The following PIK3C2B variants were observed in gnomAD, a reference collection of about 807,000 sequenced individuals.
PIK3C2B encodes phosphatidylinositol 4-phosphate 3-kinase C2 domain-containing subunit beta.
PIK3C2B carries 83 observed loss-of-function variants against 184.3 expected under a neutral mutation model. That is an observed-to-expected ratio of 0.45 (90% CI 0.38 to 0.54). PIK3C2B has a LOEUF of 0.54. Among genes scored for constraint, PIK3C2B ranks in the 20% least tolerant of loss-of-function variants. The pLI is 0.00. For missense variants in PIK3C2B, 1,736 were observed against 2,113.5 expected (o/e 0.82, Z 3.50); for synonymous variants, 779 against 837.6 (o/e 0.93, Z 1.21).
chr1:204,487,226 C>A (rs184581349), intron 1 of PIK3C2B, among the ~76,000 whole-genome samples: 1 of 152,356 alleles, frequency 6.6e-6, no homozygotes, highest in Non-Finnish European at 1.5e-5. Context: ...CCACCTCAGC[C>A]TCTCAAGTAG....
intron 1 of PIK3C2B, among the ~76,000 whole-genome samples, chr1:204,474,238 G>A (rs979114179): frequency 8.6e-5 from 13 of 152,000 alleles, no homozygotes; most frequent in African/African-American, 2.9e-4. Flanking sequence ...TGATCCGCCC[G>A]CCTCGGCCCC....
At chr1:204,468,443 G>C (rs17406570) in intron 2 of PIK3C2B, among the ~76,000 whole-genome samples, 8,385 of 152,252 alleles carry the variant, frequency 0.055, 342 homozygotes, top group Non-Finnish European at 0.085. Flanking sequence ...TTACTATTGT[G>C]AATGATCTTC....
chr1:204,467,119 C>T (rs1655872865), intron 2 of PIK3C2B: 2 of 368,392 alleles, frequency 5.4e-6, no homozygotes, highest in South Asian at 4.1e-5. Flanking sequence ...TGTCTCAGAA[C>T]TCTGATGACA....
intron 2 of PIK3C2B, chr1:204,467,073 G>A: frequency 2.4e-6 from 1 of 423,484 alleles, no homozygotes; most frequent in Non-Finnish European, 4.8e-6. Context: ...TTTTTGCTTT[G>A]TGTCCGCTTC....
In PIK3C2B at chr1:204,446,042, C is replaced by A; in HGVS notation, c.2592G>T (p.Glu864Asp). 1 of 1,603,772 alleles carries A rather than the reference C, an allele frequency of 6.2e-7. No individual in the cohort carries two copies. The highest frequency in any genetic ancestry group is 8.5e-7 in the Non-Finnish European group (1 of 1,172,992). The change falls in exon 16 of 33, where the codon GAG becomes GAT. Residue 864 changes from glutamate (E) to aspartate (D), a missense_variant. By Grantham distance (45) the Glu-to-Asp change is conservative. Coordinates refer to ENST00000684373, the MANE Select transcript of PIK3C2B (RefSeq NM_001377334.1). ...PLVLASAPSW[E>D]WACLPDIYVL... Reference sequence around the variant, plus strand: ...CATAGATGTCAGGCAGGCAAGCCCACTCCCAGCTGGGGGCGCTGGCGAGCA... The same window carrying A: ...CATAGATGTCAGGCAGGCAAGCCCAATCCCAGCTGGGGGCGCTGGCGAGCA...
intron 1 of PIK3C2B, among the ~76,000 whole-genome samples, chr1:204,482,840 G>A (rs1338479356): frequency 1.3e-5 from 2 of 152,110 alleles, no homozygotes; most frequent in Admixed American, 6.5e-5. Flanking sequence ...ACCACAGGAA[G>A]AATATCTCGA....
intron 29 of PIK3C2B, chr1:204,428,876 T>G: frequency 2.2e-6 from 1 of 455,756 alleles, no homozygotes; most frequent in Non-Finnish European, 4.4e-6. Context: ...GTGCTAATTA[T>G]ATTGTTTCTC....
At chr1:204,432,078 C>T in intron 27 of PIK3C2B, 122 bp downstream of exon 27, 1 of 906,912 alleles carries the variant, frequency 1.1e-6, no homozygotes, top group East Asian at 2.4e-5. Context: ...CAGGACTGCT[C>T]CCAGCACAGG....
At chr1:204,470,154 A>C (rs999912032) in intron 1 of PIK3C2B, among the ~76,000 whole-genome samples, 2 of 151,616 alleles carry the variant, frequency 1.3e-5, no homozygotes, top group African/African-American at 4.9e-5. Flanking sequence ...TGCCCCAAAA[A>C]GAGAGAGAGG....
intron 11 of PIK3C2B, among the ~76,000 whole-genome samples, chr1:204,455,532 A>C (rs939788358): frequency 1.3e-5 from 2 of 151,710 alleles, no homozygotes; most frequent in African/African-American, 4.8e-5. Context: ...CGTGCACTCT[A>C]TCTGGGAATC....
At position 204,446,264 on chromosome 1, in the gene PIK3C2B, C is replaced by T. The variant is rs978902383; in HGVS notation, c.2490-120G>A. 8.9e-5 allele frequency: 51 copies of T among 571,554 alleles called. No individual in the cohort carries two copies. The Middle Eastern group carries it at 1.5e-3, about 17-fold the overall frequency. The allele number at this position is 571,554 out of a possible 1,614,324, so 35.4% of individuals were successfully genotyped here. On this transcript the variant is annotated intron_variant, in intron 15 of 32. Transcript: ENST00000684373. ...GAGTGCTGCACACACTGCAATTCAG[C>T]GGTTCCCAAGCTTTGCTGCATATGA...
intron 31 of PIK3C2B, among the ~76,000 whole-genome samples, chr1:204,426,703 G>A (rs1199170069): frequency 6.6e-6 from 1 of 152,150 alleles, no homozygotes; most frequent in Non-Finnish European, 1.5e-5. Context: ...CAGAGCTAAT[G>A]TATCAGTATA....
chr1:204,431,308 G>A (rs1675042555), intron 28 of PIK3C2B: 4 of 268,630 alleles, frequency 1.5e-5, no homozygotes, highest in South Asian at 1.4e-4. Flanking sequence ...GTTGTTACCC[G>A]TGTCGAAATC....
At chr1:204,450,593 C>A (rs1654267695) in intron 12 of PIK3C2B, among the ~76,000 whole-genome samples, 1 of 152,056 alleles carries the variant, frequency 6.6e-6, no homozygotes, top group African/African-American at 2.4e-5. Context: ...TTTCTCACCC[C>A]CACCCCCAAA....
intron 14 of PIK3C2B, 67 bp downstream of exon 14, chr1:204,449,118 G>A (rs1411965891): frequency 3.5e-6 from 4 of 1,141,136 alleles, no homozygotes; most frequent in Non-Finnish European, 5.2e-6. Flanking sequence ...CAAATCTCCA[G>A]GAGAAAAATG....
chr1:204,433,265 TG>T lies in PIK3C2B; in HGVS notation c.3953+50del. The stretch of plus-strand genomic sequence containing the variant: ...TCCTCCTCCTGCCAATCCGGCAGGC[TG>T]GGAATTACTCAGGGTGGGCAGTGCT... On this transcript the variant is annotated intron_variant, in intron 26 of 32. Transcript: ENST00000684373. The surrounding 1 kb of genome is among the most constrained non-coding windows in gnomAD (Gnocchi z 5.0). 1 of 991,544 alleles carries T rather than the reference TG, an allele frequency of 1.0e-6. No homozygotes were observed. Among genetic ancestry groups the T allele is most frequent in the Non-Finnish European group, 1.6e-6 (1 of 624,594 alleles). The allele number at this position is 991,544 out of a possible 1,614,324, so 61.4% of individuals were successfully genotyped here.
At chr1:204,456,601 T>C (rs1654864328) in intron 10 of PIK3C2B, among the ~76,000 whole-genome samples, 1 of 152,132 alleles carries the variant, frequency 6.6e-6, no homozygotes, top group African/African-American at 2.4e-5. Context: ...AGAAAAATCG[T>C]AGGGAAAATT....
chr1:204,467,833 CA>C (rs545904416), intron 2 of PIK3C2B, among the ~76,000 whole-genome samples: 8 of 88,578 alleles, frequency 9.0e-5, no homozygotes, highest in East Asian at 3.1e-4. Flanking sequence ...GACTCTGTCT[CA>C]AAAAAAAAAA....
At chr1:204,437,245 A>G (rs1675394931) in intron 23 of PIK3C2B, among the ~76,000 whole-genome samples, 1 of 152,100 alleles carries the variant, frequency 6.6e-6, no homozygotes. Flanking sequence ...CTGTAATCCC[A>G]GCACTATGGG....
Sources: allele counts gnomAD v4.1 joint callset (sites outside exome capture counted in the v4.1 genomes callset), GRCh38; gene constraint gnomAD v4.1.1; non-coding constraint Gnocchi (gnomAD v3.1); transcripts MANE v1.5; gene names NCBI Gene and HGNC (gene_info 2026-07-23, HGNC 2026-07-21).